RBL2: variants seen among roughly 807,000 people sequenced by gnomAD.
The protein encoded by RBL2 is RB transcriptional corepressor like 2.
A neutral mutation model predicts 126.0 loss-of-function variants in RBL2; 56 were observed. The observed-to-expected ratio is 0.44, with a 90% CI of 0.36 to 0.56. The LOEUF is 0.56. Ranked by LOEUF, RBL2 falls within the 20% of genes least tolerant of loss-of-function variation. RBL2 has a pLI of 0.00. For missense variants in RBL2, 1,229 were observed against 1,398.2 expected (o/e 0.88, Z 1.93); for synonymous variants, 454 against 478.5 (o/e 0.95, Z 0.67).
chr16:53,482,905 A>C (rs943446297), intron 21 of RBL2, among the ~76,000 whole-genome samples: 1 of 152,078 alleles, frequency 6.6e-6, no homozygotes, highest in Admixed American at 6.6e-5. Flanking sequence ...AGGACGGGGA[A>C]GGTATCATTG....
At position 53,490,396 on chromosome 16, in the gene RBL2, GAGT is replaced by G. The variant is rs1567752159; in HGVS notation, c.*97_*99del. The G allele has an allele frequency of 4.3e-6, 5 of 1,169,836 alleles. No individual in the cohort carries two copies. The East Asian group carries it at 1.0e-4, about 23-fold the overall frequency. The allele number at this position is 1,169,836 out of a possible 1,614,324, so 72.5% of individuals were successfully genotyped here. Reference sequence around the variant, plus strand: ...AGCTTTTTTCCTTAATCCAGCTGATGAGTTACAGCCTGTTAGTAACATGAGGGG... The same window carrying G: ...AGCTTTTTTCCTTAATCCAGCTGATGTACAGCCTGTTAGTAACATGAGGGG... On this transcript the variant is annotated 3_prime_UTR_variant, in exon 22 of 22. Coordinates refer to ENST00000262133, the MANE Select transcript of RBL2 (RefSeq NM_005611.4).
chr16:53,447,019 CTT>C, intron 3 of RBL2, 21 bp from the exon 4 acceptor site: 48 of 1,333,904 alleles, frequency 3.6e-5, no homozygotes, highest in South Asian at 1.1e-4. Flanking sequence ...TGTCTCATGA[CTT>C]TTTTTTTTCT....
intron 4 of RBL2, among the ~76,000 whole-genome samples, chr16:53,447,885 TCTGC>T (rs1387734110): frequency 3.0e-4 from 46 of 152,180 alleles, no homozygotes; most frequent in African/African-American, 1.1e-3. Context: ...CCTCAGGTGA[TCTGC>T]CTGCCCTGGC....
chr16:53,458,806 C>T (rs1309518912), intron 8 of RBL2, among the ~76,000 whole-genome samples: 1 of 152,092 alleles, frequency 6.6e-6, no homozygotes. Flanking sequence ...TCAGATCTCG[C>T]GAGACGTATT....
intron 4 of RBL2, 21 bp from the exon 5 acceptor site, chr16:53,451,682 T>C: frequency 1.9e-6 from 3 of 1,610,752 alleles, no homozygotes; most frequent in Non-Finnish European, 2.5e-6. Context: ...TTTAACTCTG[T>C]AACTGCTTAT....
chr16:53,449,991 A>C (rs73606494), intron 4 of RBL2, among the ~76,000 whole-genome samples: 1 of 147,048 alleles, frequency 6.8e-6, no homozygotes, highest in Non-Finnish European at 1.5e-5. Context: ...TTCTATGGCA[A>C]GTGCACACCA....
chr16:53,454,503 A>G (rs1598101192), intron 7 of RBL2, among the ~76,000 whole-genome samples, 153 bp from the exon 8 acceptor site: 1 of 152,186 alleles, frequency 6.6e-6, no homozygotes, highest in South Asian at 2.1e-4. Context: ...GCACCCAGCT[A>G]TACTATCCAG....
chr16:53,439,155 G>C lies in RBL2; in HGVS notation c.371+9G>C. ...AAATGTTCAGAGCAGAGGTAACTAT[G>C]TTAGAGTTTGACAAGTAGAGTATGG... On this transcript the variant is annotated intron_variant, in intron 2 of 21. Transcript: ENST00000262133. 1 of 1,574,104 alleles carries C rather than the reference G, an allele frequency of 6.4e-7. No homozygotes were observed. Among genetic ancestry groups the C allele is most frequent in the Non-Finnish European group, 8.6e-7 (1 of 1,163,136 alleles).
intron 8 of RBL2, among the ~76,000 whole-genome samples, chr16:53,457,258 C>CTTTTTTT (rs756763534): frequency 0.012 from 1,112 of 89,906 alleles, 196 homozygotes; most frequent in African/African-American, 0.063. Context: ...GTACAGATAG[C>CTTTTTTT]TTTTTTTTTT....
Position 53,440,553 on chromosome 16 carries a change from A to G in RBL2, c.371+1407A>G, listed in dbSNP as rs555960683. On this transcript the variant is annotated intron_variant, in intron 2 of 21. Transcript: ENST00000262133. ...AAGACTTTCAAAGTAGAAAGATAAC[A>G]TTTCATTCTGTTTTTTTTGAGATGG... is the stretch of plus-strand genomic sequence containing the variant. Among the ~76,000 whole-genome samples the G allele has an allele frequency of 6.6e-5, 10 of 152,220 alleles. No individual in the cohort carries two copies. The South Asian group carries it at 2.1e-3, about 32-fold the overall frequency.
intron 2 of RBL2, 45 bp downstream of exon 2, chr16:53,439,191 C>A: frequency 6.9e-7 from 1 of 1,452,892 alleles, no homozygotes; most frequent in Non-Finnish European, 9.2e-7. Context: ...CTAATGTAAG[C>A]TCATAAATCA....
chr16:53,481,277 G>A (rs185550121), intron 20 of RBL2: 174 of 180,028 alleles, frequency 9.7e-4, no homozygotes, highest in African/African-American at 3.4e-3. Flanking sequence ...TGTATTTGGA[G>A]TCCCTACAAA....
At position 53,468,184 on chromosome 16, in the gene RBL2, A is replaced by G. The variant is rs562337216; in HGVS notation, c.1975+1015A>G. ...ATTAAAAGAATATTCTTATTTCTAG[A>G]TCAGTTTTATAATGTAATTGATAAG... On this transcript the variant is annotated intron_variant, in intron 14 of 21. Coordinates refer to ENST00000262133, the MANE Select transcript of RBL2 (RefSeq NM_005611.4). 5.3e-5 allele frequency among the ~76,000 whole-genome samples: 8 copies of G among 152,332 alleles called. No homozygotes were observed. The East Asian group carries it at 7.7e-4, about 15-fold the overall frequency.
chr16:53,488,099 C>T (rs577828981), intron 21 of RBL2: 1 of 152,210 alleles, frequency 6.6e-6, no homozygotes, highest in Non-Finnish European at 1.5e-5. Context: ...AAATCACGTA[C>T]ATGACTGTTT....
At chr16:53,437,854 A>T (rs1450517754) in intron 1 of RBL2, among the ~76,000 whole-genome samples, 1 of 151,788 alleles carries the variant, frequency 6.6e-6, no homozygotes, top group Non-Finnish European at 1.5e-5. Context: ...ATTGAAACCC[A>T]GTCTCTACTA....
intron 17 of RBL2, among the ~76,000 whole-genome samples, chr16:53,471,503 C>T (rs1051380366): frequency 1.7e-4 from 25 of 150,878 alleles, no homozygotes; most frequent in Non-Finnish European, 3.0e-4. Flanking sequence ...TTGTTTCATT[C>T]TTGTCACCCA....
chr16:53,446,331 G>T (rs1309395760), intron 3 of RBL2, among the ~76,000 whole-genome samples: 1 of 97,566 alleles, frequency 1.0e-5, no homozygotes, highest in African/African-American at 9.4e-5. Flanking sequence ...TAAGGCCCAG[G>T]TGAGCAAGTA....
Position 53,457,011 on chromosome 16 carries a change from G to A in RBL2, c.1179+2169G>A, listed in dbSNP as rs142081187. ...GGCTGTGACCAGTGTTGTATGCAGC[G>A]CTTGGCACATAGTAGACATTCGGGG... On this transcript the variant is annotated intron_variant, in intron 8 of 21. Transcript: ENST00000262133. Among the ~76,000 whole-genome samples, 13 of 152,176 alleles carry A rather than the reference G, an allele frequency of 8.5e-5. No individual in the cohort carries two copies. In the East Asian group the frequency reaches 2.5e-3, roughly 29 times the overall value.
At chr16:53,461,990 C>T in intron 10 of RBL2, 140 bp downstream of exon 10, 2 of 652,964 alleles carry the variant, frequency 3.1e-6, no homozygotes, top group South Asian at 4.1e-5. Flanking sequence ...TTTTTCTGGT[C>T]AACCAACTGA....
Sources: gnomAD v4.1 joint callset for allele counts (sites outside exome capture counted in the v4.1 genomes callset) on GRCh38, gnomAD v4.1.1 for gene constraint, MANE v1.5 for transcripts, NCBI Gene and HGNC (gene_info 2026-07-23, HGNC 2026-07-21) for gene names.